PRKCZ: variants seen among roughly 807,000 people sequenced by gnomAD.
PRKCZ encodes protein kinase C zeta type.
PRKCZ carries 33 observed loss-of-function variants against 79.5 expected under a neutral mutation model. The observed-to-expected ratio is 0.41, with a 90% confidence interval of 0.31 to 0.55. PRKCZ has a LOEUF of 0.55. Ranked by LOEUF, PRKCZ falls within the 20% of genes least tolerant of loss-of-function variation. PRKCZ has a pLI of 0.19. For synonymous variants in PRKCZ, 342 were observed against 320.9 expected, an observed-to-expected ratio of 1.07 and a Z score of -0.70; for missense variants, 578 against 813.5, an observed-to-expected ratio of 0.71 and a Z score of 3.52.
chr1:2,154,337 A>G (rs1326848781), intron 9 of PRKCZ, among the ~76,000 whole-genome samples: 2 of 152,146 alleles, frequency 1.3e-5, no homozygotes, highest in Admixed American at 6.5e-5. Context: ...CGGCGTGGAA[A>G]GATGAGACTC....
At chr1:2,143,670 A>G (rs543985956) in intron 5 of PRKCZ, 2 of 152,582 alleles carry the variant, frequency 1.3e-5, no homozygotes, top group South Asian at 2.0e-4. Context: ...GGATCATTTA[A>G]AATCTTGAAA....
At chr1:2,084,431 A>G (rs1002055935) in intron 4 of PRKCZ, among the ~76,000 whole-genome samples, 2 of 151,818 alleles carry the variant, frequency 1.3e-5, no homozygotes, top group African/African-American at 2.4e-5. Context: ...GGTCTCTGGG[A>G]CCCCCAGGCA....
rs1684632822 is a variant in PRKCZ, at chr1:2,172,537, T to C, written c.1285+149T>C. On this transcript the variant is annotated intron_variant, in intron 13 of 17. Transcript: ENST00000378567. This position sits in a 1 kb window ranked among gnomAD's most constrained non-coding sequence, Gnocchi z 7.8. The stretch of plus-strand genomic sequence containing the variant: ...CCCAGCCGGATGTCATCATCTGGCC[T>C]CAGCCCCTTATTTGAATTCTGGAAA... 1.0e-6 allele frequency: 1 copy of C among 956,902 alleles called. No individual in the cohort carries two copies. The highest frequency in any genetic ancestry group is 1.5e-6 in the Non-Finnish European group (1 of 662,182). The allele number at this position is 956,902 out of a possible 1,614,324, so 59.3% of individuals were successfully genotyped here. A position where few individuals can be genotyped will look rare whatever the true frequency, so the allele number is the denominator to read the frequency against.
intron 4 of PRKCZ, among the ~76,000 whole-genome samples, chr1:2,065,891 T>G (rs531446823): frequency 3.6e-4 from 55 of 152,294 alleles, no homozygotes; most frequent in African/African-American, 7.7e-4. Flanking sequence ...GTCACATGCT[T>G]CTTCTGCATC....
At chr1:2,103,986 C>T (rs1219468038) in intron 4 of PRKCZ, among the ~76,000 whole-genome samples, 1 of 152,246 alleles carries the variant, frequency 6.6e-6, no homozygotes, top group Non-Finnish European at 1.5e-5. Context: ...CAACATTTGG[C>T]TCAGGTGTCC....
chr1:2,156,678 G>A (rs995597032), intron 10 of PRKCZ: 1 of 152,752 alleles, frequency 6.5e-6, no homozygotes, highest in East Asian at 1.9e-4. Context: ...CTGCACTGGG[G>A]AGATAAAGGA....
rs1662006888 is a variant in PRKCZ, at chr1:2,074,395, T to C, written c.334+14804T>C. The C allele has an allele frequency of 9.3e-6, 13 of 1,397,500 alleles. 1 individual carries two copies. The South Asian group carries it at 1.5e-4, about 16-fold the overall frequency. The allele number at this position is 1,397,500 out of a possible 1,614,324, so 86.6% of individuals were successfully genotyped here. A position where few individuals can be genotyped will look rare whatever the true frequency, so the allele number is the denominator to read the frequency against. On this transcript the variant is annotated intron_variant, in intron 4 of 17. Coordinates refer to ENST00000378567, the MANE Select transcript of PRKCZ (RefSeq NM_002744.6). ...CTGGCCCCAGGGAGTTGCTGGCTGTTGGGAGTTTCACTGTGGCCGATGCTT... is the reference window on the plus strand; with the variant it reads ...CTGGCCCCAGGGAGTTGCTGGCTGTCGGGAGTTTCACTGTGGCCGATGCTT...
At chr1:2,110,765 G>A (rs914338435) in intron 4 of PRKCZ, among the ~76,000 whole-genome samples, 1 of 152,032 alleles carries the variant, frequency 6.6e-6, no homozygotes, top group East Asian at 1.9e-4. Flanking sequence ...GAGCAGCGGA[G>A]TGAAGGGGGC....
rs1169449400 is a variant in PRKCZ, at chr1:2,107,101, C to T, written c.335-28161C>T. Among the ~76,000 whole-genome samples the T allele has an allele frequency of 2.0e-5, 3 of 152,250 alleles. No homozygotes were observed. The East Asian group carries it at 5.8e-4, about 29-fold the overall frequency. On this transcript the variant is annotated intron_variant, in intron 4 of 17. Coordinates refer to ENST00000378567, the MANE Select transcript of PRKCZ (RefSeq NM_002744.6). ...AAAAGAAGGCCTGTGCCTCGCAGGG[C>T]CTGCTCTGCCTCCCCCGTGTTTCCT...
intron 4 of PRKCZ, among the ~76,000 whole-genome samples, chr1:2,092,915 CAT>C (rs1275054921): frequency 6.6e-6 from 1 of 152,194 alleles, no homozygotes; most frequent in African/African-American, 2.4e-5. Context: ...CCAGCGGACA[CAT>C]CTCTTGCCTT....
chr1:2,095,385 C>T (rs773235469), intron 4 of PRKCZ, among the ~76,000 whole-genome samples: 2 of 152,108 alleles, frequency 1.3e-5, no homozygotes, highest in Admixed American at 6.5e-5. Context: ...GCACGGCACA[C>T]GTGAGAGCTG....
chr1:2,063,665 T>A (rs1418426070), intron 4 of PRKCZ, among the ~76,000 whole-genome samples: 1 of 152,078 alleles, frequency 6.6e-6, no homozygotes, highest in Non-Finnish European at 1.5e-5. Context: ...CCTGCAGCAT[T>A]TTCCACCCCC....
chr1:2,116,299 G>A (rs1436966855), intron 4 of PRKCZ: 1 of 152,226 alleles, frequency 6.6e-6, no homozygotes, highest in East Asian at 1.9e-4. Flanking sequence ...CTGTGGCCTC[G>A]CGACGGCTGA....
chr1:2,145,779 G>A (rs570921361), intron 6 of PRKCZ, among the ~76,000 whole-genome samples: 9 of 152,138 alleles, frequency 5.9e-5, no homozygotes, highest in Non-Finnish European at 1.3e-4. Flanking sequence ...AGCCAGGCAT[G>A]GTGGTGCGCA....
At chr1:2,120,169 C>T (rs1169200180) in intron 4 of PRKCZ, among the ~76,000 whole-genome samples, 5 of 151,802 alleles carry the variant, frequency 3.3e-5, no homozygotes, top group African/African-American at 1.2e-4. Flanking sequence ...GTTTTCATCA[C>T]AACAGCAGCC....
At chr1:2,117,994 A>ATTTTTTTTTT (rs1553152748) in intron 4 of PRKCZ, among the ~76,000 whole-genome samples, 6 of 15,280 alleles carry the variant, frequency 3.9e-4, no homozygotes, top group Non-Finnish European at 5.8e-4. Flanking sequence ...TTAGCCTATT[A>ATTTTTTTTTT]TTTCTTTTTT....
intron 6 of PRKCZ, 116 bp downstream of exon 6, chr1:2,144,457 C>CGACG: frequency 6.7e-7 from 1 of 1,483,696 alleles, no homozygotes; most frequent in Non-Finnish European, 9.0e-7. Context: ...GGCCGTGGTG[C>CGACG]CGTCCTAGCT....
chr1:2,102,477 C>T (rs1002685410), intron 4 of PRKCZ, among the ~76,000 whole-genome samples: 13 of 151,938 alleles, frequency 8.6e-5, no homozygotes, highest in South Asian at 2.1e-4. Context: ...GGAGTACAGG[C>T]GCCCACCACC....
intron 11 of PRKCZ, among the ~76,000 whole-genome samples, chr1:2,170,357 TC>T (rs1188260255): frequency 3.9e-5 from 6 of 152,210 alleles, no homozygotes; most frequent in African/African-American, 1.2e-4. Context: ...TTGTAGTTTC[TC>T]CTTTTCCTCA....
Sources: allele counts gnomAD v4.1 joint callset (sites outside exome capture counted in the v4.1 genomes callset), GRCh38; gene constraint gnomAD v4.1.1; non-coding constraint Gnocchi (gnomAD v3.1); transcripts MANE v1.5; gene names NCBI Gene and HGNC (gene_info 2026-07-23, HGNC 2026-07-21).